Variants in RAP1GAP observed in about 807,000 individuals in gnomAD.
The protein encoded by RAP1GAP is rap1 GTPase-activating protein 1.
A neutral mutation model predicts 87.2 loss-of-function variants in RAP1GAP; 35 were observed. The observed-to-expected ratio is 0.40, with a 90% CI of 0.31 to 0.53. The LOEUF (loss-of-function observed/expected upper bound fraction) is 0.53, where lower values mean the gene tolerates loss of function less well. Ranked by LOEUF, RAP1GAP falls within the 20% of genes least tolerant of loss-of-function variation. RAP1GAP has a pLI of 0.48. For missense variants in RAP1GAP, 734 were observed against 898.9 expected, an observed-to-expected ratio of 0.82 and a Z score of 2.35; for synonymous variants, 375 against 363.9, an observed-to-expected ratio of 1.03 and a Z score of -0.35.
chr1:21,649,599 C>A (rs1298378827), intron 2 of RAP1GAP, among the ~76,000 whole-genome samples, 162 bp downstream of exon 2: 1 of 152,112 alleles, frequency 6.6e-6, no homozygotes, highest in Non-Finnish European at 1.5e-5. Context: ...TAAAAAAGTA[C>A]TCTGGGGACA....
intron 18 of RAP1GAP, among the ~76,000 whole-genome samples, chr1:21,604,762 G>T (rs1047670107): frequency 7.1e-6 from 1 of 139,910 alleles, no homozygotes; most frequent in Non-Finnish European, 1.5e-5. Context: ...GCATGCAGTA[G>T]ACAGTCAATA....
intron 16 of RAP1GAP, 114 bp downstream of exon 16, chr1:21,608,736 T>G: frequency 9.8e-7 from 1 of 1,020,718 alleles, no homozygotes; most frequent in Non-Finnish European, 1.5e-6. Context: ...CAGCCCCAGG[T>G]GTCCCCGCTA....
rs2096594319 is a variant in RAP1GAP at position 21,651,801 on chromosome 1, A to G, written c.-148-2005T>C. The G allele has an allele frequency of 5.9e-6, 8 of 1,348,726 alleles. No individual in the cohort carries two copies. The highest frequency in any genetic ancestry group is 2.8e-4 in the Middle Eastern group (1 of 3,602). The allele number at this position is 1,348,726 out of a possible 1,614,324, so 83.5% of individuals were successfully genotyped here. On this transcript the variant is annotated intron_variant, in intron 1 of 24. Transcript: ENST00000374765. ...TACCCGCCGTAGGCCCCGAAGGTGA[A>G]GCTGCGCTTCCGGCCGCTCATGGTG...
At position 21,615,914 on chromosome 1, in the gene RAP1GAP, C is replaced by T. The variant is rs1297654462; in HGVS notation, c.291+1392G>A. On this transcript the variant is annotated intron_variant, in intron 7 of 24. Transcript: ENST00000374765. The surrounding 1 kb of genome is among the most constrained non-coding windows in gnomAD (Gnocchi z 4.5). The stretch of plus-strand genomic sequence containing the variant: ...GGTGCCTAGGATGCAGGTCTCGCTC[C>T]ACCTCTAGGGCTCAGCTGGGAAGTG... Among the ~76,000 whole-genome samples, 2 of 152,164 alleles carry T rather than the reference C, an allele frequency of 1.3e-5. No individual in the cohort carries two copies. Among genetic ancestry groups the T allele is most frequent in the African/African-American group, 4.8e-5 (2 of 41,436 alleles).
At chr1:21,662,495 T>C (rs1478729905) in intron 1 of RAP1GAP, among the ~76,000 whole-genome samples, 1 of 152,108 alleles carries the variant, frequency 6.6e-6, no homozygotes, top group Non-Finnish European at 1.5e-5. Flanking sequence ...CAGGAACCCC[T>C]GAAAAGTTGT....
rs900854657 is a variant in RAP1GAP, at chr1:21,615,123, C to T, written c.292-1034G>A. On this transcript the variant is annotated intron_variant, in intron 7 of 24. Coordinates refer to ENST00000374765, the MANE Select transcript of RAP1GAP (RefSeq NM_002885.4). This position sits in a 1 kb window ranked among gnomAD's most constrained non-coding sequence, Gnocchi z 4.5. ...TGGCAGGCACTTGATAAGGAGGCCC[C>T]TGGCAGGGAAGTCCAGAGAGTGGGG... is the stretch of plus-strand genomic sequence containing the variant. Among the ~76,000 whole-genome samples, 6 of 152,196 alleles carry T rather than the reference C, an allele frequency of 3.9e-5. No individual in the cohort carries two copies. The highest frequency in any genetic ancestry group is 8.8e-5 in the Non-Finnish European group (6 of 68,034).
chr1:21,601,839 C>T (rs1185414227), intron 19 of RAP1GAP, 42 bp from the exon 20 acceptor site: 1 of 1,448,942 alleles, frequency 6.9e-7, no homozygotes, highest in Non-Finnish European at 9.5e-7. Flanking sequence ...CAGCACCAGG[C>T]CTGGCATCAG....
At position 21,642,187 on chromosome 1, in the gene RAP1GAP, G is replaced by A. The variant is rs544813413; in HGVS notation, c.-113+7574C>T. ...GCCCACGGCTGGGGTGTACAGTCAC[G>A]TGTAGGCAGTCAGGTCACCCCCTGG... On this transcript the variant is annotated intron_variant, in intron 2 of 24. Transcript: ENST00000374765. Among the ~76,000 whole-genome samples, 49 of 152,338 alleles carry A rather than the reference G, an allele frequency of 3.2e-4. 1 individual carries two copies. In the South Asian group the frequency reaches 9.5e-3, roughly 30 times the overall value.
Position 21,611,829 on chromosome 1 carries a change from G to C in RAP1GAP, c.613-13C>G, listed in dbSNP as rs1469183480. 16 of 1,597,292 alleles carry C rather than the reference G, an allele frequency of 1.0e-5. No individual in the cohort carries two copies. The highest frequency in any genetic ancestry group is 1.3e-5 in the Non-Finnish European group (15 of 1,164,764). Reference sequence around the variant, plus strand: ...CTTCCTCGGAGGTCTGGGGATGAGGGGCCAAGGTCATTGAGCTGGAGTTCC... The same window carrying C: ...CTTCCTCGGAGGTCTGGGGATGAGGCGCCAAGGTCATTGAGCTGGAGTTCC... On this transcript the variant is annotated splice_polypyrimidine_tract_variant and intron_variant, in intron 11 of 24. Transcript: ENST00000374765.
intron 2 of RAP1GAP, among the ~76,000 whole-genome samples, chr1:21,635,834 C>T (rs542868135): frequency 6.6e-6 from 1 of 152,370 alleles, no homozygotes; most frequent in East Asian, 1.9e-4. Flanking sequence ...ATTAAGTCAC[C>T]ATAACCTCTC....
At chr1:21,617,111 T>G (rs1039817480) in intron 7 of RAP1GAP, among the ~76,000 whole-genome samples, 195 bp downstream of exon 7, 1 of 152,220 alleles carries the variant, frequency 6.6e-6, no homozygotes, top group Non-Finnish European at 1.5e-5. Context: ...GCAATCAATG[T>G]TGAATGAACA....
At chr1:21,612,177 T>C in intron 10 of RAP1GAP, 68 bp from the exon 11 acceptor site, 2 of 1,257,950 alleles carry the variant, frequency 1.6e-6, no homozygotes, top group Non-Finnish European at 1.1e-6. Context: ...TCTTCCCCCG[T>C]GCCAAGCACT....
intron 19 of RAP1GAP, among the ~76,000 whole-genome samples, chr1:21,602,071 T>A (rs1377064841): frequency 6.6e-6 from 1 of 152,202 alleles, no homozygotes; most frequent in African/African-American, 2.4e-5. Flanking sequence ...ATAAGGAACC[T>A]GCCCAGGGAC....
intron 22 of RAP1GAP, 78 bp from the exon 23 acceptor site, chr1:21,598,142 C>T (rs1434962263): frequency 3.0e-5 from 29 of 964,772 alleles, no homozygotes; most frequent in Admixed American, 2.7e-4. Context: ...GGTGGGCGGT[C>T]GGCACCAGTG....
chr1:21,611,423 C>T (rs2078218402), intron 13 of RAP1GAP, 29 bp downstream of exon 13: 1 of 1,599,192 alleles, frequency 6.3e-7, no homozygotes, highest in East Asian at 2.3e-5. Context: ...AGGTGGAAGA[C>T]AGGAGGCAGG....
At chr1:21,639,179 C>T (rs372313737) in intron 2 of RAP1GAP, among the ~76,000 whole-genome samples, 134 of 152,370 alleles carry the variant, frequency 8.8e-4, no homozygotes, top group African/African-American at 3.1e-3. Context: ...GGGCTCCATG[C>T]CCTGAGCTGC....
At chr1:21,643,277 A>C (rs2095692634) in intron 2 of RAP1GAP, among the ~76,000 whole-genome samples, 1 of 152,102 alleles carries the variant, frequency 6.6e-6, no homozygotes, top group African/African-American at 2.4e-5. Flanking sequence ...ATCCCCTCCG[A>C]GGCTGGGTGT....
At chr1:21,599,695 C>A in intron 20 of RAP1GAP, 78 bp from the exon 21 acceptor site, 2 of 1,521,698 alleles carry the variant, frequency 1.3e-6, no homozygotes, top group South Asian at 2.5e-5. Flanking sequence ...CTTGCCCTCC[C>A]CAACCCGGGA....
intron 2 of RAP1GAP, among the ~76,000 whole-genome samples, chr1:21,636,395 T>C (rs972746502): frequency 1.3e-5 from 2 of 152,268 alleles, no homozygotes; most frequent in African/African-American, 2.4e-5. Flanking sequence ...TTTCTTGGCC[T>C]TCCCTTCTCT....
Sources: allele counts gnomAD v4.1 joint callset (sites outside exome capture counted in the v4.1 genomes callset), GRCh38; gene constraint gnomAD v4.1.1; non-coding constraint Gnocchi (gnomAD v3.1); transcripts MANE v1.5; gene names NCBI Gene and HGNC (gene_info 2026-07-23, HGNC 2026-07-21).